Variants in OSBPL7 observed in about 807,000 individuals in gnomAD.
OSBPL7 encodes the protein oxysterol-binding protein-related protein 7.
Under a neutral mutation model 115.8 loss-of-function variants are expected in OSBPL7, and 66 were observed. The ratio of observed to expected loss-of-function variants is 0.57; its 90% CI spans 0.47 to 0.70. OSBPL7 has a LOEUF of 0.70. Ranked by LOEUF, OSBPL7 falls within the 30% of genes least tolerant of loss-of-function variation. The pLI is 0.00. For synonymous variants in OSBPL7, 441 were observed against 439.2 expected, an observed-to-expected ratio of 1.00 and a Z score of -0.05; for missense variants, 902 against 1,125.5, an observed-to-expected ratio of 0.80 and a Z score of 2.84.
At chr17:47,817,038 T>C (rs1173667661) in intron 8 of OSBPL7, 166 bp from the exon 9 acceptor site, 2 of 742,776 alleles carry the variant, frequency 2.7e-6, no homozygotes, top group Non-Finnish European at 4.6e-6. Flanking sequence ...ACAACTGACA[T>C]CCCAGTGGAA....
At chr17:47,809,880 A>C (rs886711234) in intron 18 of OSBPL7, among the ~76,000 whole-genome samples, 2 of 150,192 alleles carry the variant, frequency 1.3e-5, no homozygotes, top group African/African-American at 4.9e-5. Flanking sequence ...TGCTGCTTGC[A>C]TCACTATTTT....
Position 47,819,537 on chromosome 17 carries a change from G to C in OSBPL7, c.255+192C>G, listed in dbSNP as rs2033332072. On this transcript the variant is annotated intron_variant, in intron 4 of 22. Transcript: ENST00000007414. ...CCTTACCATGACAGCTCTGCACCTGGGGGATGGTGCTCTCCCATTAGAGGT... is the reference window on the plus strand; with the variant it reads ...CCTTACCATGACAGCTCTGCACCTGCGGGATGGTGCTCTCCCATTAGAGGT... 3 of 667,634 alleles carry C rather than the reference G, an allele frequency of 4.5e-6. No individual in the cohort carries two copies. The Admixed American group carries it at 7.7e-5, about 17-fold the overall frequency. 41.4% of individuals were successfully genotyped at this position (667,634 alleles called of 1,614,324 possible). A position where few individuals can be genotyped will look rare whatever the true frequency, so the allele number is the denominator to read the frequency against.
intron 4 of OSBPL7, 153 bp from the exon 5 acceptor site, chr17:47,819,252 T>C: frequency 1.6e-6 from 1 of 631,730 alleles, no homozygotes; most frequent in Non-Finnish European, 2.8e-6. Context: ...GACTTGTCAA[T>C]CATCCTCCCA....
At chr17:47,818,643 G>A in intron 5 of OSBPL7, 27 bp from the exon 6 acceptor site, 1 of 1,565,092 alleles carries the variant, frequency 6.4e-7, no homozygotes, top group South Asian at 1.1e-5. Context: ...GAGGGGGAGG[G>A]CTATCTGAAG....
At chr17:47,815,098 G>T in intron 13 of OSBPL7, 117 bp downstream of exon 13, 1 of 1,343,474 alleles carries the variant, frequency 7.4e-7, no homozygotes, top group Non-Finnish European at 1.0e-6. Context: ...TAGTCCCAGA[G>T]ATAGCAGCTG....
chr17:47,817,958 C>T (rs925778644), intron 7 of OSBPL7, among the ~76,000 whole-genome samples: 17 of 152,234 alleles, frequency 1.1e-4, no homozygotes, highest in Non-Finnish European at 1.9e-4. Context: ...ACTGCAGGAA[C>T]CCTTTCCTAG....
intron 7 of OSBPL7, among the ~76,000 whole-genome samples, chr17:47,817,848 C>T (rs1450807857): frequency 1.3e-5 from 2 of 152,182 alleles, no homozygotes; most frequent in Non-Finnish European, 2.9e-5. Flanking sequence ...CTAGACCATG[C>T]CTCACCTTTG....
chr17:47,810,968 C>T (rs2033023001), intron 16 of OSBPL7, 133 bp from the exon 17 acceptor site: 2 of 775,780 alleles, frequency 2.6e-6, no homozygotes, highest in Admixed American at 2.2e-5. Flanking sequence ...TCCCTATCAC[C>T]CTTGGCCACC....
chr17:47,814,537 A>G lies in OSBPL7; in HGVS notation c.1335T>C (p.Ala445=). Reference sequence around the variant, plus strand: ...AGCTGGCACCTTTCTGACAGCGCTCAGCTCCCCTGAGGTCCAGCATCTCCT... The same window carrying G: ...AGCTGGCACCTTTCTGACAGCGCTCGGCTCCCCTGAGGTCCAGCATCTCCT... ...LSEEMLDLRG[A]ERCQKGGCVP... The change falls in exon 14 of 23, where the codon GCT becomes GCC. Residue 445 remains alanine, a synonymous_variant. Coordinates refer to ENST00000007414, the MANE Select transcript of OSBPL7 (RefSeq NM_145798.3). The G allele has an allele frequency of 1.3e-6, 2 of 1,508,806 alleles. No homozygotes were observed. The highest frequency in any genetic ancestry group is 1.8e-6 in the Non-Finnish European group (2 of 1,124,338). The allele number at this position is 1,508,806 out of a possible 1,614,324, so 93.5% of individuals were successfully genotyped here.
chr17:47,807,751 AG>A lies in OSBPL7; in HGVS notation c.*539del. On this transcript the variant is annotated 3_prime_UTR_variant, in exon 23 of 23. Coordinates refer to ENST00000007414, the MANE Select transcript of OSBPL7 (RefSeq NM_145798.3). Reference sequence around the variant, plus strand: ...TTAGGGAGAAGGGATCCAGGACAGGAGGGATGGCCAGGGACTAACCAAAGGG... The same window carrying A: ...TTAGGGAGAAGGGATCCAGGACAGGAGGATGGCCAGGGACTAACCAAAGGG... 1 of 156,408 alleles carries A rather than the reference AG, an allele frequency of 6.4e-6. No individual in the cohort carries two copies. Among genetic ancestry groups the A allele is most frequent in the Non-Finnish European group, 1.4e-5 (1 of 70,374 alleles). The allele number at this position is 156,408 out of a possible 1,614,324, so 9.7% of individuals were successfully genotyped here. A position where few individuals can be genotyped will look rare whatever the true frequency, so the allele number is the denominator to read the frequency against.
chr17:47,813,275 G>A lies in OSBPL7; in HGVS notation c.1728C>T (p.Ile576=), dbSNP rs1423135778. 4.3e-6 allele frequency: 7 copies of A among 1,613,868 alleles called. No individual in the cohort carries two copies. In the Admixed American group the frequency reaches 8.3e-5, roughly 19 times the overall value. Residue 576 remains isoleucine (I), a synonymous_variant, in exon 16 of 23, where the codon ATC becomes ATT. Transcript: ENST00000007414. ...CERPDRGFRF[I]SEQVSHHPPI... ...TCTCCCAAGGCCATACCTGCTCACTGATGAAGCGGAAGCCTCGGTCAGGCC... is the reference window on the plus strand; with the variant it reads ...TCTCCCAAGGCCATACCTGCTCACTAATGAAGCGGAAGCCTCGGTCAGGCC...
chr17:47,819,923 C>CTGG, intron 3 of OSBPL7, 48 bp downstream of exon 3: 1 of 1,229,558 alleles, frequency 8.1e-7, no homozygotes, highest in Non-Finnish European at 1.2e-6. Context: ...CCCCCCATTC[C>CTGG]CACCCCGCCC....
At chr17:47,820,442 T>C (rs2033364944) in intron 1 of OSBPL7, 77 bp from the exon 2 acceptor site, 1 of 643,328 alleles carries the variant, frequency 1.6e-6, no homozygotes, top group Non-Finnish European at 2.6e-6. Context: ...CCACACCCTC[T>C]GAGATAAGGG....
rs1234109623 is a variant in OSBPL7, at chr17:47,808,462, G to A, written c.2421-63C>T. 5.6e-6 allele frequency: 9 copies of A among 1,613,772 alleles called. No individual in the cohort carries two copies. The highest frequency in any genetic ancestry group is 3.3e-4 in the Middle Eastern group (2 of 6,084). On this transcript the variant is annotated intron_variant, in intron 22 of 22. Transcript: ENST00000007414. The surrounding 1 kb of genome is among the most constrained non-coding windows in gnomAD (Gnocchi z 6.1). ...CTAGAAGGCAGGCTAGGGTCCTAAG[G>A]TGCTGCCTCCCACACCTGCCCTGCT... is the stretch of plus-strand genomic sequence containing the variant.
intron 13 of OSBPL7, 41 bp from the exon 14 acceptor site, chr17:47,814,655 C>T (rs771978658): frequency 1.3e-6 from 2 of 1,586,408 alleles, no homozygotes; most frequent in South Asian, 1.1e-5. Context: ...ACTGGGCCTC[C>T]CCCGGGCAGC....
At chr17:47,810,526 C>T in intron 18 of OSBPL7, 68 bp downstream of exon 18, 1 of 1,427,428 alleles carries the variant, frequency 7.0e-7, no homozygotes, top group Non-Finnish European at 9.8e-7. Context: ...GTCCCTAAGG[C>T]CACGCCCCCT....
chr17:47,819,263 T>C (rs569375280), intron 4 of OSBPL7, 164 bp from the exon 5 acceptor site: 29 of 614,800 alleles, frequency 4.7e-5, no homozygotes, highest in South Asian at 3.3e-4. Context: ...CATCCTCCCA[T>C]GTGCAGAACG....
chr17:47,808,861 G>T lies in OSBPL7; in HGVS notation c.2297+3C>A, dbSNP rs929171250. The T allele has an allele frequency of 6.2e-7, 1 of 1,614,070 alleles. No homozygotes were observed. The highest frequency in any genetic ancestry group is 1.1e-5 in the South Asian group (1 of 91,044). On this transcript the variant is annotated splice_donor_region_variant and intron_variant, in intron 21 of 22. Coordinates refer to ENST00000007414, the MANE Select transcript of OSBPL7 (RefSeq NM_145798.3). The surrounding 1 kb of genome is among the most constrained non-coding windows in gnomAD (Gnocchi z 6.1). Reference sequence around the variant, plus strand: ...TCTAGGCCGGCACCCATCCGGCACTGACCTCTGGTCTGGCCGGAGTCTCGT... The same window carrying T: ...TCTAGGCCGGCACCCATCCGGCACTTACCTCTGGTCTGGCCGGAGTCTCGT...
chr17:47,818,570 G>A lies in OSBPL7; in HGVS notation c.416C>T (p.Ala139Val), dbSNP rs1228696820. The A allele has an allele frequency of 1.2e-6, 2 of 1,612,582 alleles. No individual in the cohort carries two copies. The highest frequency in any genetic ancestry group is 1.1e-5 in the South Asian group (1 of 90,866). Residue 139 changes from alanine (A) to valine (V), a missense_variant, in exon 6 of 23, where the codon GCC becomes GTC. Coordinates refer to ENST00000007414, the MANE Select transcript of OSBPL7 (RefSeq NM_145798.3). Reference protein sequence around the residue: ...LFQSWVAQLRAHRLAHRLDMP... With the variant: ...LFQSWVAQLRVHRLAHRLDMP... Reference sequence around the variant, plus strand: ...GTCCAGGCGGTGGGCTAGGCGGTGGGCACGCAGCTGCGCCACCCAGCTCTG... The same window carrying A: ...GTCCAGGCGGTGGGCTAGGCGGTGGACACGCAGCTGCGCCACCCAGCTCTG...
Sources: gnomAD v4.1 joint callset for allele counts (sites outside exome capture counted in the v4.1 genomes callset) on GRCh38, gnomAD v4.1.1 for gene constraint, Gnocchi (gnomAD v3.1) non-coding constraint, MANE v1.5 for transcripts, NCBI Gene and HGNC (gene_info 2026-07-23, HGNC 2026-07-21) for gene names.